Variants in ANKS1B observed in about 807,000 individuals in gnomAD.
ANKS1B encodes the protein ankyrin repeat and sterile alpha motif domain containing 1B, also known as ankyrin repeat and sterile alpha motif domain-containing protein 1B.
A neutral mutation model predicts 148.3 loss-of-function variants in ANKS1B; 36 were observed. The observed-to-expected ratio is 0.24, with a 90% CI of 0.19 to 0.32. ANKS1B has a LOEUF of 0.32. Ranked by LOEUF, ANKS1B falls within the 10% of genes least tolerant of loss-of-function variation. ANKS1B has a pLI of 1.00. For missense variants in ANKS1B, 1,157 were observed against 1,542.6 expected (o/e 0.75, Z 4.19); for synonymous variants, 542 against 560.8 (o/e 0.97, Z 0.47).
chr12:98,967,660 AGGAGGGGAGGGGAGGG>A (rs1446975841), intron 17 of ANKS1B, among the ~76,000 whole-genome samples: 1 of 17,854 alleles, frequency 5.6e-5, no homozygotes, highest in Non-Finnish European at 8.9e-5. Flanking sequence ...AGGAGGGGAG[AGGAGGGGAGGGGAGGG>A]GAGGGAACAA....
rs201278587 is a variant in ANKS1B at position 99,003,362 on chromosome 12, T to TA, written c.2778+49794dup. 3.8e-3 allele frequency among the ~76,000 whole-genome samples: 581 copies of TA among 152,278 alleles called. 5 individuals carry two copies. Among genetic ancestry groups the TA allele is most frequent in the African/African-American group, 0.013 (547 of 41,546 alleles). On this transcript the variant is annotated intron_variant, in intron 17 of 26. Transcript: ENST00000683438. ...TTTAGAATTGTTTTGCCTATTTCTA[T>TA]AAAAAATGCCATCGAGATTTTAATA...
At chr12:99,609,945 G>A in intron 9 of ANKS1B, among the ~76,000 whole-genome samples, 1 of 152,010 alleles carries the variant, frequency 6.6e-6, no homozygotes, top group Admixed American at 6.6e-5. Flanking sequence ...TTCTCCCTTT[G>A]CCGGCTTTTG....
chr12:99,453,105 A>G (rs934347947), intron 10 of ANKS1B, among the ~76,000 whole-genome samples: 14 of 152,122 alleles, frequency 9.2e-5, no homozygotes, highest in Non-Finnish European at 1.9e-4. Flanking sequence ...CCTGGCTAAC[A>G]TGGTGAAACC....
intron 10 of ANKS1B, among the ~76,000 whole-genome samples, chr12:99,462,369 T>C (rs756851216): frequency 3.7e-4 from 56 of 152,300 alleles, no homozygotes; most frequent in Non-Finnish European, 7.2e-4. Flanking sequence ...TGAAGAGTCA[T>C]CCCAGTTTCA....
chr12:99,278,657 T>G (rs1334663819), intron 12 of ANKS1B, among the ~76,000 whole-genome samples: 1 of 152,204 alleles, frequency 6.6e-6, no homozygotes, highest in East Asian at 1.9e-4. Flanking sequence ...ATATGGATAC[T>G]GCATGAAGGA....
chr12:99,632,020 C>A (rs1381838908), intron 9 of ANKS1B, among the ~76,000 whole-genome samples: 3 of 152,178 alleles, frequency 2.0e-5, no homozygotes, highest in Admixed American at 6.5e-5. Context: ...GCTCTCCCAT[C>A]ACAGGCTCAA....
At chr12:99,560,279 A>C (rs942469080) in intron 9 of ANKS1B, among the ~76,000 whole-genome samples, 13 of 152,084 alleles carry the variant, frequency 8.5e-5, no homozygotes, top group African/African-American at 3.1e-4. Context: ...ACATTATCTA[A>C]TGTTCACTTG....
intron 16 of ANKS1B, among the ~76,000 whole-genome samples, chr12:99,053,654 C>G (rs1038632438): frequency 2.0e-5 from 3 of 152,134 alleles, no homozygotes; most frequent in Non-Finnish European, 4.4e-5. Flanking sequence ...AAATTCGATG[C>G]GAAAGTCACC....
chr12:98,847,745 G>A (rs1428064218), intron 17 of ANKS1B, among the ~76,000 whole-genome samples: 3 of 152,090 alleles, frequency 2.0e-5, no homozygotes, highest in Admixed American at 6.5e-5. Context: ...ACAGGCATGC[G>A]CCACCATGCC....
rs555607712 is a variant in ANKS1B at position 99,711,688 on chromosome 12, CA to C, written c.1129-56479del. Among the ~76,000 whole-genome samples the C allele has an allele frequency of 1.4e-4, 22 of 151,918 alleles. No homozygotes were observed. The East Asian group carries it at 3.7e-3, about 25-fold the overall frequency. Reference sequence around the variant, plus strand: ...ATCAGAATGGCTATTATTAAAAAGTCAAAAAAATAGATGCTGTCAAGGTTGC... The same window carrying C: ...ATCAGAATGGCTATTATTAAAAAGTCAAAAAATAGATGCTGTCAAGGTTGC... On this transcript the variant is annotated intron_variant, in intron 8 of 26. Transcript: ENST00000683438.
At chr12:99,329,822 T>C (rs2087157919) in intron 12 of ANKS1B, among the ~76,000 whole-genome samples, 1 of 151,904 alleles carries the variant, frequency 6.6e-6, no homozygotes, top group South Asian at 2.1e-4. Flanking sequence ...TGTTTATATG[T>C]TAAGGATATT....
intron 25 of ANKS1B, among the ~76,000 whole-genome samples, chr12:98,758,243 T>C (rs1308255062): frequency 6.6e-6 from 1 of 152,164 alleles, no homozygotes; most frequent in Non-Finnish European, 1.5e-5. Context: ...ATGAGATAAT[T>C]ACGCTCAGAA....
At chr12:98,948,895 A>G (rs988411946) in intron 17 of ANKS1B, among the ~76,000 whole-genome samples, 4 of 150,380 alleles carry the variant, frequency 2.7e-5, no homozygotes, top group African/African-American at 9.8e-5. Flanking sequence ...CTACCAAATC[A>G]GGAACAGAAT....
intron 2 of ANKS1B, among the ~76,000 whole-genome samples, chr12:99,824,594 A>G (rs1229917176): frequency 2.0e-5 from 3 of 152,082 alleles, no homozygotes. Flanking sequence ...GGGGGAGATA[A>G]AGGAAGAGGG....
intron 8 of ANKS1B, among the ~76,000 whole-genome samples, chr12:99,723,822 T>C (rs1433289104): frequency 6.6e-6 from 1 of 152,030 alleles, no homozygotes; most frequent in Non-Finnish European, 1.5e-5. Context: ...TCCAGCCTCC[T>C]TGAGTGACTG....
At chr12:99,329,882 C>T (rs1469314587) in intron 12 of ANKS1B, among the ~76,000 whole-genome samples, 2 of 151,922 alleles carry the variant, frequency 1.3e-5, no homozygotes, top group Non-Finnish European at 1.5e-5. Context: ...ACAAAATCTA[C>T]ATGTTTACAT....
rs760250589 is a variant in ANKS1B at position 99,246,794 on chromosome 12, G to C, written c.1827C>G (p.Leu609=). The C allele has an allele frequency of 4.3e-6, 7 of 1,613,156 alleles. No homozygotes were observed. In the East Asian group the frequency reaches 1.3e-4, roughly 31 times the overall value. Residue 609 remains leucine, a synonymous_variant, in exon 13 of 27, where the codon CTC becomes CTG. Coordinates refer to ENST00000683438, the MANE Select transcript of ANKS1B (RefSeq NM_001352186.2). ...EYDPGQFAGL[L]HGSSPACESP... is the part of the protein sequence containing the mutation. ...ACTCACAGGCTGGAGAGGATCCATGGAGCAGGCCTGCAAATTGCCCAGGAT... is the reference window on the plus strand; with the variant it reads ...ACTCACAGGCTGGAGAGGATCCATGCAGCAGGCCTGCAAATTGCCCAGGAT...
intron 12 of ANKS1B, among the ~76,000 whole-genome samples, chr12:99,350,202 A>G (rs1411843520): frequency 2.6e-5 from 4 of 151,950 alleles, no homozygotes; most frequent in Non-Finnish European, 4.4e-5. Context: ...CTGGCCCTGT[A>G]AGATGTGCCT....
At chr12:98,886,434 T>C (rs1392982618) in intron 17 of ANKS1B, among the ~76,000 whole-genome samples, 1 of 152,148 alleles carries the variant, frequency 6.6e-6, no homozygotes, top group Non-Finnish European at 1.5e-5. Context: ...TCATGTACCA[T>C]GAATGGAGAT....
Sources: gnomAD v4.1 joint callset for allele counts (sites outside exome capture counted in the v4.1 genomes callset) on GRCh38, gnomAD v4.1.1 for gene constraint, MANE v1.5 for transcripts, NCBI Gene and HGNC (gene_info 2026-07-23, HGNC 2026-07-21) for gene names.